SLC14A2: variants seen among roughly 807,000 people sequenced by gnomAD.
The protein encoded by SLC14A2 is solute carrier family 14 member 2.
SLC14A2 carries 91 observed loss-of-function variants against 104.6 expected under a neutral mutation model. The ratio of observed to expected loss-of-function variants is 0.87; its 90% CI spans 0.73 to 1.04. The LOEUF (loss-of-function observed/expected upper bound fraction) is 1.04, where lower values mean the gene tolerates loss of function less well. Ranked by LOEUF, SLC14A2 falls within the 50% of genes least tolerant of loss-of-function variation. SLC14A2 has a pLI of 0.00. For missense variants in SLC14A2, 1,189 were observed against 1,156.0 expected, an observed-to-expected ratio of 1.03 and a Z score of -0.41; for synonymous variants, 476 against 466.4, an observed-to-expected ratio of 1.02 and a Z score of -0.27.
intron 1 of SLC14A2, among the ~76,000 whole-genome samples, chr18:45,364,266 G>A (rs549324896): frequency 1.3e-5 from 2 of 152,078 alleles, no homozygotes; most frequent in Non-Finnish European, 2.9e-5. Flanking sequence ...GCTATGCTTA[G>A]AAGGCAATTA....
chr18:45,305,217 C>G (rs2085006949), intron 1 of SLC14A2, among the ~76,000 whole-genome samples: 1 of 152,176 alleles, frequency 6.6e-6, no homozygotes, highest in Non-Finnish European at 1.5e-5. Context: ...GGATAAGGCA[C>G]AAAATGGCCT....
chr18:45,217,850 G>T (rs1302173493), intron 1 of SLC14A2, among the ~76,000 whole-genome samples: 1 of 152,042 alleles, frequency 6.6e-6, no homozygotes, highest in African/African-American at 2.4e-5. Context: ...CTGCTGTGTT[G>T]CTTTACCTCC....
chr18:45,476,671 G>C (rs1416387472), intron 1 of SLC14A2, among the ~76,000 whole-genome samples: 1 of 152,114 alleles, frequency 6.6e-6, no homozygotes, highest in Non-Finnish European at 1.5e-5. Context: ...TGGAGGCTTT[G>C]TTTGTTCCTT....
intron 1 of SLC14A2, among the ~76,000 whole-genome samples, chr18:45,427,804 G>A (rs762323650): frequency 5.1e-4 from 77 of 152,138 alleles, no homozygotes; most frequent in Non-Finnish European, 1.1e-3. Flanking sequence ...GTTACCAAGA[G>A]GACAGGGCAA....
intron 1 of SLC14A2, among the ~76,000 whole-genome samples, chr18:45,398,040 G>A (rs535735429): frequency 6.6e-6 from 1 of 152,046 alleles, no homozygotes; most frequent in Non-Finnish European, 1.5e-5. Flanking sequence ...ACAACTATAA[G>A]CCAGGAATTT....
intron 2 of SLC14A2, among the ~76,000 whole-genome samples, chr18:45,564,350 G>T (rs1260518095): frequency 6.6e-6 from 1 of 152,192 alleles, no homozygotes; most frequent in East Asian, 1.9e-4. Context: ...TATGCTTCCA[G>T]TGCTGGGCTC....
chr18:45,588,610 C>G (rs555093802), intron 2 of SLC14A2, among the ~76,000 whole-genome samples: 1 of 152,298 alleles, frequency 6.6e-6, no homozygotes, highest in South Asian at 2.1e-4. Flanking sequence ...TACTAAAACT[C>G]CTCTCTGGTG....
At chr18:45,329,978 C>T (rs990303420) in intron 1 of SLC14A2, among the ~76,000 whole-genome samples, 18 of 152,176 alleles carry the variant, frequency 1.2e-4, no homozygotes, top group African/African-American at 4.3e-4. Flanking sequence ...TGTGCAGTGA[C>T]AAGTGCTTTA....
At chr18:45,682,233 C>T in intron 19 of SLC14A2, 86 bp from the exon 20 acceptor site, 1 of 1,185,992 alleles carries the variant, frequency 8.4e-7, no homozygotes, top group South Asian at 1.2e-5. Context: ...CCTCATGTCC[C>T]CAGGGCTGTA....
the SLC14A2 span, among the ~76,000 whole-genome samples, chr18:45,193,226 T>A: frequency 6.6e-6 from 1 of 152,360 alleles, no homozygotes; most frequent in South Asian, 2.1e-4. Flanking sequence ...AAGAGCAACA[T>A]CTGTAATTAT....
rs144968154 is a variant in SLC14A2 at position 45,475,193 on chromosome 18, T to G, written c.-124-8040T>G. 3.2e-3 allele frequency among the ~76,000 whole-genome samples: 486 copies of G among 152,282 alleles called. 5 individuals are homozygous for G. The highest frequency in any genetic ancestry group is 0.011 in the African/African-American group (437 of 41,556). ...TTCCACATAGTTGTGCAGTTCTGAG[T>G]GAGTTTCTTAATCCTGAGTTCTAAT... On this transcript the variant is annotated intron_variant, in intron 1 of 20. Coordinates refer to the SLC14A2 transcript ENST00000586448.
At chr18:45,622,456 T>C (rs1391026177) in intron 1 of SLC14A2, among the ~76,000 whole-genome samples, 6 of 152,140 alleles carry the variant, frequency 3.9e-5, no homozygotes, top group African/African-American at 1.4e-4. Context: ...AACGTCTATA[T>C]GTGAGTGTAA....
the SLC14A2 span, among the ~76,000 whole-genome samples, chr18:45,179,233 A>T: frequency 1.3e-5 from 2 of 152,242 alleles, no homozygotes; most frequent in African/African-American, 4.8e-5. Flanking sequence ...CACACCAAAC[A>T]ATCTATTTGC....
At chr18:45,649,027 T>C (rs919763299) in intron 10 of SLC14A2, among the ~76,000 whole-genome samples, 19 of 152,036 alleles carry the variant, frequency 1.2e-4, no homozygotes, top group African/African-American at 4.6e-4. Context: ...AAAAAATTGC[T>C]GGGCATGGTG....
chr18:45,392,730 A>G (rs912678349), intron 1 of SLC14A2, among the ~76,000 whole-genome samples: 4 of 152,220 alleles, frequency 2.6e-5, no homozygotes, highest in African/African-American at 9.6e-5. Context: ...AGGAAGTTCA[A>G]TCTTTAAATT....
At chr18:45,473,422 T>C (rs1387453097) in intron 1 of SLC14A2, among the ~76,000 whole-genome samples, 7 of 152,234 alleles carry the variant, frequency 4.6e-5, no homozygotes, top group Non-Finnish European at 1.5e-5. Context: ...AGAAAGCCAA[T>C]GGTAGCTTGA....
At position 45,284,117 on chromosome 18, in the gene SLC14A2, G is replaced by A. The variant is rs191201487; in HGVS notation, c.-125+70926G>A. ...GTAAAAAATTTAAAGTAGTATATGT[G>A]GTTCATGTTTCATGGCTTGCATTAT... On this transcript the variant is annotated intron_variant, in intron 1 of 20. Transcript: ENST00000586448. 5.9e-5 allele frequency among the ~76,000 whole-genome samples: 9 copies of A among 152,256 alleles called. No individual in the cohort carries two copies. The East Asian group carries it at 1.5e-3, about 26-fold the overall frequency.
chr18:45,490,901 C>T (rs1455580746), intron 2 of SLC14A2, among the ~76,000 whole-genome samples: 1 of 151,938 alleles, frequency 6.6e-6, no homozygotes, highest in African/African-American at 2.4e-5. Flanking sequence ...AGGGAAATGC[C>T]CATTAAAAAG....
intron 1 of SLC14A2, among the ~76,000 whole-genome samples, chr18:45,233,937 G>T (rs908544939): frequency 1.1e-4 from 16 of 151,786 alleles, no homozygotes; most frequent in Admixed American, 9.2e-4. Flanking sequence ...TATCAGAAAA[G>T]TGAGAAATTA....
Sources: gnomAD v4.1 joint callset for allele counts (sites outside exome capture counted in the v4.1 genomes callset) on GRCh38, gnomAD v4.1.1 for gene constraint, MANE v1.5 for transcripts, NCBI Gene and HGNC (gene_info 2026-07-23, HGNC 2026-07-21) for gene names.